KCNB2: variants seen among roughly 807,000 people sequenced by gnomAD.
KCNB2 encodes the protein delayed rectifier potassium channel protein.
In KCNB2, 15 loss-of-function variants were observed where a neutral mutation model predicts 61.5. That is an observed-to-expected ratio of 0.24 (90% CI 0.16 to 0.38). KCNB2 has a LOEUF of 0.38. KCNB2 is among the 10% of genes least tolerant of loss of function. KCNB2 has a pLI of 1.00. For synonymous variants in KCNB2, 457 were observed against 446.0 expected, an observed-to-expected ratio of 1.02 and a Z score of -0.31; for missense variants, 828 against 1,125.2, an observed-to-expected ratio of 0.74 and a Z score of 3.78.
At chr8:72,720,125 T>C (rs1329329598) in intron 2 of KCNB2, among the ~76,000 whole-genome samples, 1 of 152,208 alleles carries the variant, frequency 6.6e-6, no homozygotes, top group Non-Finnish European at 1.5e-5. Flanking sequence ...ATATTTATGC[T>C]GTCTTCTTCA....
At chr8:72,744,324 A>T (rs1048807946) in intron 2 of KCNB2, among the ~76,000 whole-genome samples, 16 of 152,154 alleles carry the variant, frequency 1.1e-4, no homozygotes, top group Non-Finnish European at 2.2e-4. Context: ...TAAAAGCCTC[A>T]TACCACCTAC....
chr8:72,927,507 A>T (rs117420622), intron 2 of KCNB2, among the ~76,000 whole-genome samples: 5,603 of 152,130 alleles, frequency 0.037, 146 homozygotes, highest in Non-Finnish European at 0.052. Flanking sequence ...CTGACCACAG[A>T]TGACCCACCG....
intron 2 of KCNB2, among the ~76,000 whole-genome samples, chr8:72,639,728 T>C (rs1350468662): frequency 1.3e-5 from 2 of 151,900 alleles, no homozygotes; most frequent in African/African-American, 2.4e-5. Context: ...CTTTGAAAAA[T>C]GTAGGTGCCA....
Position 72,594,095 on chromosome 8 carries a change from G to T in KCNB2, c.579+25782G>T, listed in dbSNP as rs1455047401. ...ATCTCAAGGAATTTAGAGTCTACCT[G>T]AGGAAATGATAATTTAGTTATATAC... On this transcript the variant is annotated intron_variant, in intron 2 of 2. Transcript: ENST00000523207. 2.0e-5 allele frequency among the ~76,000 whole-genome samples: 3 copies of T among 152,260 alleles called. No homozygotes were observed. The South Asian group carries it at 6.2e-4, about 32-fold the overall frequency.
intron 2 of KCNB2, among the ~76,000 whole-genome samples, chr8:72,935,220 G>A (rs7828692): frequency 0.59 from 88,879 of 151,888 alleles, 26,424 homozygotes; most frequent in East Asian, 0.91. Flanking sequence ...CTTTCCTTCC[G>A]TGTCTGACAT....
chr8:72,749,879 A>G (rs920171254), intron 2 of KCNB2, among the ~76,000 whole-genome samples: 4 of 147,750 alleles, frequency 2.7e-5, no homozygotes, highest in African/African-American at 4.9e-5. Context: ...ATATACATCC[A>G]TGTTTTAAAA....
At chr8:72,677,672 G>A (rs1002717904) in intron 2 of KCNB2, among the ~76,000 whole-genome samples, 1 of 152,130 alleles carries the variant, frequency 6.6e-6, no homozygotes, top group Admixed American at 6.5e-5. Context: ...CTACCAGGAT[G>A]CTTTCTCTTT....
chr8:72,873,263 A>G (rs1805647129), intron 2 of KCNB2, among the ~76,000 whole-genome samples: 1 of 152,204 alleles, frequency 6.6e-6, no homozygotes, highest in Non-Finnish European at 1.5e-5. Flanking sequence ...CACATGTCAC[A>G]TGGATTAAGG....
At chr8:72,767,730 C>G (rs750130684) in intron 2 of KCNB2, among the ~76,000 whole-genome samples, 15 of 152,140 alleles carry the variant, frequency 9.9e-5, no homozygotes, top group Non-Finnish European at 2.1e-4. Flanking sequence ...TTTCAGTTCT[C>G]TAGGAGTGGA....
intron 2 of KCNB2, among the ~76,000 whole-genome samples, chr8:72,664,431 T>C (rs1040576680): frequency 6.6e-6 from 1 of 152,158 alleles, no homozygotes; most frequent in Admixed American, 6.5e-5. Context: ...ACCTGTCACT[T>C]CTCCCCCAAT....
At chr8:72,778,785 A>G (rs1808707551) in intron 2 of KCNB2, among the ~76,000 whole-genome samples, 1 of 149,384 alleles carries the variant, frequency 6.7e-6, no homozygotes, top group Admixed American at 6.7e-5. Context: ...AGAAAAAGAA[A>G]AGAAAAGAAA....
intron 2 of KCNB2, among the ~76,000 whole-genome samples, chr8:72,900,376 C>T (rs374555209): frequency 1.4e-4 from 21 of 152,160 alleles, no homozygotes; most frequent in South Asian, 2.1e-4. Flanking sequence ...AGTGTAAGAA[C>T]TCAAACAATA....
intron 2 of KCNB2, among the ~76,000 whole-genome samples, chr8:72,589,124 C>T (rs16938244): frequency 0.044 from 6,661 of 152,126 alleles, 195 homozygotes; most frequent in African/African-American, 0.084. Context: ...GCTGAATAGG[C>T]AGTCCAGAGC....
At chr8:72,746,903 C>T (rs1361986110) in intron 2 of KCNB2, among the ~76,000 whole-genome samples, 1 of 152,116 alleles carries the variant, frequency 6.6e-6, no homozygotes, top group African/African-American at 2.4e-5. Context: ...AGTTTAATAC[C>T]CCTTCTCACT....
chr8:72,541,792 G>T (rs141088915), intron 1 of KCNB2, among the ~76,000 whole-genome samples: 33 of 152,238 alleles, frequency 2.2e-4, no homozygotes, highest in African/African-American at 7.5e-4. Flanking sequence ...GCTGGCTGAT[G>T]CAGATGATCT....
At chr8:72,718,388 A>C (rs1273794562) in intron 2 of KCNB2, among the ~76,000 whole-genome samples, 1 of 152,194 alleles carries the variant, frequency 6.6e-6, no homozygotes, top group African/African-American at 2.4e-5. Context: ...AGCATTATTC[A>C]CAATAGCAAA....
At chr8:72,546,253 C>G (rs1165322773) in intron 1 of KCNB2, among the ~76,000 whole-genome samples, 1 of 152,238 alleles carries the variant, frequency 6.6e-6, no homozygotes, top group South Asian at 2.1e-4. Flanking sequence ...CAGTGGCTCA[C>G]GCCTGTAATC....
At chr8:72,793,033 T>G (rs1344735042) in intron 2 of KCNB2, among the ~76,000 whole-genome samples, 1 of 152,234 alleles carries the variant, frequency 6.6e-6, no homozygotes, top group Non-Finnish European at 1.5e-5. Context: ...AGCTAGACAA[T>G]TCTAAATGTT....
At chr8:72,633,213 G>A (rs1337432008) in intron 2 of KCNB2, among the ~76,000 whole-genome samples, 1 of 152,036 alleles carries the variant, frequency 6.6e-6, no homozygotes, top group African/African-American at 2.4e-5. Flanking sequence ...TTCCTGGCTG[G>A]CAGTGGGTGG....
Sources: gnomAD v4.1 joint callset for allele counts (sites outside exome capture counted in the v4.1 genomes callset) on GRCh38, gnomAD v4.1.1 for gene constraint, MANE v1.5 for transcripts, NCBI Gene and HGNC (gene_info 2026-07-23, HGNC 2026-07-21) for gene names.